The following SNTG1 variants were observed in gnomAD, a reference collection of about 807,000 sequenced individuals.
SNTG1 encodes the protein gamma-1-syntrophin.
SNTG1 carries 39 observed loss-of-function variants against 74.7 expected under a neutral mutation model. The observed-to-expected ratio is 0.52, with a 90% CI of 0.40 to 0.68. SNTG1 has a LOEUF of 0.68. Among genes scored for constraint, SNTG1 ranks in the 30% least tolerant of loss-of-function variants. The pLI is 0.00. For missense variants in SNTG1, 685 were observed against 609.5 expected (o/e 1.12, Z -1.30); for synonymous variants, 254 against 217.1 (o/e 1.17, Z -1.49).
At chr8:50,003,752 TA>T (rs996502382) in intron 1 of SNTG1, among the ~76,000 whole-genome samples, 4 of 152,138 alleles carry the variant, frequency 2.6e-5, no homozygotes, top group Non-Finnish European at 5.9e-5. Flanking sequence ...TTAATGCCTC[TA>T]GGGGGAATAA....
At chr8:50,326,355 T>G (rs1379758956) in intron 2 of SNTG1, among the ~76,000 whole-genome samples, 1 of 152,050 alleles carries the variant, frequency 6.6e-6, no homozygotes, top group Admixed American at 6.6e-5. Context: ...AATTATTGCT[T>G]CAATTTCTTT....
At chr8:50,530,284 G>GA (rs1585589579) in intron 10 of SNTG1, 25 bp downstream of exon 10, 1 of 1,602,694 alleles carries the variant, frequency 6.2e-7, no homozygotes, top group Non-Finnish European at 8.5e-7. Flanking sequence ...GCATAGCTCA[G>GA]ATTAATAAGG....
In SNTG1 at chr8:50,718,440, C is replaced by T. The variant is rs115221539; in HGVS notation, c.1284+9462C>T. On this transcript the variant is annotated intron_variant, in intron 17 of 18. Transcript: ENST00000642720. ...CTTACGAAAGTAAACATTTGTTTCT[C>T]GTGCTTCTGTGGGATTCAGAAGATT... Among the ~76,000 whole-genome samples, 360 of 152,244 alleles carry T rather than the reference C, an allele frequency of 2.4e-3. 2 individuals are homozygous for T. The highest frequency in any genetic ancestry group is 8.4e-3 in the African/African-American group (349 of 41,534).
At chr8:50,247,681 G>GT (rs56854485) in intron 2 of SNTG1, among the ~76,000 whole-genome samples, 132,509 of 148,654 alleles carry the variant, frequency 0.89, 60,367 homozygotes, top group East Asian at 0.99. Context: ...AAAGTTTTTA[G>GT]TTTTTTTTTT....
intron 18 of SNTG1, among the ~76,000 whole-genome samples, chr8:50,765,133 G>T (rs891060177): frequency 6.6e-6 from 1 of 151,976 alleles, no homozygotes; most frequent in South Asian, 2.1e-4. Flanking sequence ...TGGTCAAAAG[G>T]TACAATGTTT....
chr8:50,419,894 T>C (rs2131447570), intron 4 of SNTG1, among the ~76,000 whole-genome samples: 1 of 151,856 alleles, frequency 6.6e-6, no homozygotes. Context: ...AAAAACTCAA[T>C]GGTTGGGCAC....
rs560674292 is a variant in SNTG1 at position 50,263,928 on chromosome 8, C to T, written c.-28+91293C>T. Among the ~76,000 whole-genome samples the T allele has an allele frequency of 2.3e-4, 35 of 152,132 alleles. 1 individual carries two copies. The highest frequency in any genetic ancestry group is 8.2e-4 in the African/African-American group (34 of 41,434). On this transcript the variant is annotated intron_variant, in intron 2 of 18. Transcript: ENST00000642720. Reference sequence around the variant, plus strand: ...AAACATCTGTAGGACAAATCATATGCTAAGCCATAAAACAAGCTTCAATAC... The same window carrying T: ...AAACATCTGTAGGACAAATCATATGTTAAGCCATAAAACAAGCTTCAATAC...
At position 50,731,074 on chromosome 8, in the gene SNTG1, T is replaced by G. The variant is rs142873751; in HGVS notation, c.1285-20927T>G. 1.8e-3 allele frequency among the ~76,000 whole-genome samples: 269 copies of G among 152,306 alleles called. 2 individuals are homozygous for G. Among genetic ancestry groups the G allele is most frequent in the Middle Eastern group, 6.8e-3 (2 of 294 alleles). On this transcript the variant is annotated intron_variant, in intron 17 of 18. Coordinates refer to ENST00000642720, the MANE Select transcript of SNTG1 (RefSeq NM_018967.5). ...AGTCATGTGGCTTATAAGTAGAATA[T>G]AAAATTCAGATTACATTTTAGGGTT...
At chr8:50,668,006 T>G (rs925601318) in intron 15 of SNTG1, among the ~76,000 whole-genome samples, 1 of 152,024 alleles carries the variant, frequency 6.6e-6, no homozygotes, top group African/African-American at 2.4e-5. Context: ...CTGCTCTGGG[T>G]GAGAACTAAG....
At chr8:50,551,257 G>C (rs572391765) in intron 11 of SNTG1, among the ~76,000 whole-genome samples, 3 of 152,066 alleles carry the variant, frequency 2.0e-5, no homozygotes, top group African/African-American at 7.2e-5. Context: ...GTTCATAAAA[G>C]AGTTTCCATA....
intron 1 of SNTG1, among the ~76,000 whole-genome samples, chr8:50,134,958 G>A (rs2081425530): frequency 6.6e-6 from 1 of 152,134 alleles, no homozygotes; most frequent in Non-Finnish European, 1.5e-5. Flanking sequence ...AATAGAAACT[G>A]TAGCATAGAA....
At chr8:50,058,222 G>A (rs1438186190) in intron 1 of SNTG1, among the ~76,000 whole-genome samples, 3 of 152,016 alleles carry the variant, frequency 2.0e-5, no homozygotes, top group Admixed American at 2.0e-4. Context: ...ATGATCTATG[G>A]AATAGATAAA....
chr8:50,749,720 G>A (rs2095562943), intron 17 of SNTG1, among the ~76,000 whole-genome samples: 1 of 151,978 alleles, frequency 6.6e-6, no homozygotes. Context: ...ATTAAATCCT[G>A]AGGAACATCT....
At chr8:50,116,836 C>T (rs2080840750) in intron 1 of SNTG1, among the ~76,000 whole-genome samples, 1 of 152,110 alleles carries the variant, frequency 6.6e-6, no homozygotes, top group African/African-American at 2.4e-5. Context: ...GCTATTCACT[C>T]TGCAAATTTA....
intron 2 of SNTG1, among the ~76,000 whole-genome samples, chr8:50,288,151 A>G (rs1288122573): frequency 3.3e-5 from 5 of 152,194 alleles, no homozygotes; most frequent in African/African-American, 9.6e-5. Context: ...GGAGAATGGC[A>G]TTGATTGAGG....
At chr8:50,659,056 A>G (rs549686272) in intron 15 of SNTG1, among the ~76,000 whole-genome samples, 84 of 152,230 alleles carry the variant, frequency 5.5e-4, no homozygotes, top group Admixed American at 2.6e-3. Flanking sequence ...GATTTGGGTG[A>G]GACCTGGAAT....
At chr8:50,467,207 C>T (rs1234816736) in intron 8 of SNTG1, among the ~76,000 whole-genome samples, 17 of 151,870 alleles carry the variant, frequency 1.1e-4, no homozygotes, top group Non-Finnish European at 2.4e-4. Flanking sequence ...TGTTGCCTCT[C>T]CTTCTGTGTT....
chr8:50,366,010 A>G (rs1211069726), intron 2 of SNTG1, among the ~76,000 whole-genome samples: 1 of 152,144 alleles, frequency 6.6e-6, no homozygotes, highest in East Asian at 1.9e-4. Context: ...CACCCAAATT[A>G]ATTGGCATGC....
intron 18 of SNTG1, among the ~76,000 whole-genome samples, chr8:50,779,168 A>G (rs1299225002): frequency 6.6e-6 from 1 of 152,138 alleles, no homozygotes; most frequent in Non-Finnish European, 1.5e-5. Flanking sequence ...TTGGCTTAGG[A>G]TGGACTTCGC....
Sources: allele counts gnomAD v4.1 joint callset (sites outside exome capture counted in the v4.1 genomes callset), GRCh38; gene constraint gnomAD v4.1.1; transcripts MANE v1.5; gene names NCBI Gene and HGNC (gene_info 2026-07-23, HGNC 2026-07-21).